Variants in BICC1 observed in about 807,000 individuals in gnomAD.
The protein encoded by BICC1 is BicC family RNA binding protein 1.
In BICC1, 43 loss-of-function variants were observed where a neutral mutation model predicts 111.0. That is an observed-to-expected ratio of 0.39 (90% CI 0.30 to 0.50). BICC1 has a LOEUF of 0.50. Among genes scored for constraint, BICC1 ranks in the 20% least tolerant of loss-of-function variants. The pLI is 0.88. For synonymous variants in BICC1, 467 were observed against 434.4 expected (o/e 1.07, Z -0.93); for missense variants, 1,091 against 1,203.2 (o/e 0.91, Z 1.38).
At chr10:58,715,964 G>C in intron 3 of BICC1, 1 of 1,381,608 alleles carries the variant, frequency 7.2e-7, no homozygotes, top group Non-Finnish European at 1.0e-6. Flanking sequence ...AAGAAGAACC[G>C]TTCACATAAA....
At chr10:58,788,320 T>A (rs760188085) in intron 5 of BICC1, 50 bp from the exon 6 acceptor site, 1 of 1,349,198 alleles carries the variant, frequency 7.4e-7, no homozygotes, top group Non-Finnish European at 1.1e-6. Flanking sequence ...GGAAAAGAGA[T>A]GTGAGTTTGA....
intron 3 of BICC1, among the ~76,000 whole-genome samples, chr10:58,732,266 G>T (rs1331432893): frequency 6.8e-6 from 1 of 146,882 alleles, no homozygotes; most frequent in Non-Finnish European, 1.5e-5. Flanking sequence ...GGGATGGGGA[G>T]AGAGAGAGAG....
At chr10:58,824,939 A>G (rs1844353646) in intron 20 of BICC1, among the ~76,000 whole-genome samples, 1 of 152,180 alleles carries the variant, frequency 6.6e-6, no homozygotes, top group Non-Finnish European at 1.5e-5. Flanking sequence ...TCATAAAACA[A>G]CGTAATCTGT....
chr10:58,533,041 C>T (rs1842722348), intron 1 of BICC1, among the ~76,000 whole-genome samples: 2 of 151,692 alleles, frequency 1.3e-5, no homozygotes, highest in Non-Finnish European at 2.9e-5. Context: ...AAGAAAATAA[C>T]ATCTGCCTCC....
At chr10:58,733,681 A>G (rs963294733) in intron 3 of BICC1, among the ~76,000 whole-genome samples, 2 of 152,184 alleles carry the variant, frequency 1.3e-5, no homozygotes, top group Admixed American at 1.3e-4. Flanking sequence ...GGCTTCTGAG[A>G]TTCCTCTAAA....
At chr10:58,577,349 G>A (rs1844142988) in intron 1 of BICC1, among the ~76,000 whole-genome samples, 1 of 152,170 alleles carries the variant, frequency 6.6e-6, no homozygotes, top group Non-Finnish European at 1.5e-5. Flanking sequence ...TGATGCCAAA[G>A]CCTCTTGCTT....
intron 1 of BICC1, among the ~76,000 whole-genome samples, chr10:58,560,740 G>A (rs1198512045): frequency 6.6e-6 from 1 of 151,676 alleles, no homozygotes; most frequent in African/African-American, 2.4e-5. Flanking sequence ...ATAGATTTTG[G>A]TATGTTGTGT....
chr10:58,666,649 T>A (rs1162611069), intron 2 of BICC1, among the ~76,000 whole-genome samples: 1 of 152,144 alleles, frequency 6.6e-6, no homozygotes, highest in Non-Finnish European at 1.5e-5. Flanking sequence ...ATTTATTAGC[T>A]GTATGCTCTT....
At chr10:58,793,928 T>G (rs1843262944) in intron 9 of BICC1, among the ~76,000 whole-genome samples, 3 of 152,142 alleles carry the variant, frequency 2.0e-5, no homozygotes, top group African/African-American at 7.2e-5. Context: ...TAAGGGAAAC[T>G]CAACTTGTAT....
intron 2 of BICC1, among the ~76,000 whole-genome samples, chr10:58,645,627 A>G (rs1482351121): frequency 6.6e-6 from 1 of 151,960 alleles, no homozygotes; most frequent in Non-Finnish European, 1.5e-5. Context: ...AGTGTAGTAA[A>G]CCCTATTACT....
At chr10:58,725,028 A>G (rs1841059113) in intron 3 of BICC1, among the ~76,000 whole-genome samples, 2 of 152,126 alleles carry the variant, frequency 1.3e-5, no homozygotes, top group Non-Finnish European at 2.9e-5. Context: ...CCCCATTTGC[A>G]GCAGGAATCT....
rs577684945 is a variant in BICC1, at chr10:58,544,874, G to A, written c.190+31541G>A. Among the ~76,000 whole-genome samples, 5 of 152,112 alleles carry A rather than the reference G, an allele frequency of 3.3e-5. No individual in the cohort carries two copies. In the East Asian group the frequency reaches 7.7e-4, roughly 24 times the overall value. ...CAAGTTAAAGCAAGATCATTAGGTT[G>A]GGTTCTAATCTAATATGACTGGTAT... On this transcript the variant is annotated intron_variant, in intron 1 of 20. Transcript: ENST00000373886.
chr10:58,776,624 A>G (rs919375527), intron 3 of BICC1, among the ~76,000 whole-genome samples: 1 of 152,038 alleles, frequency 6.6e-6, no homozygotes, highest in African/African-American at 2.4e-5. Context: ...GGATCCTCGC[A>G]TTATTGTTTT....
chr10:58,672,541 A>C (rs573560518), intron 2 of BICC1, among the ~76,000 whole-genome samples: 1 of 152,288 alleles, frequency 6.6e-6, no homozygotes, highest in East Asian at 1.9e-4. Context: ...TCTGTATGTC[A>C]GATGATATCA....
chr10:58,587,707 G>A (rs183998768), intron 1 of BICC1, among the ~76,000 whole-genome samples: 301 of 152,228 alleles, frequency 2.0e-3, no homozygotes, highest in African/African-American at 6.9e-3. Flanking sequence ...CAAAGTTATG[G>A]CATATGGAAA....
intron 2 of BICC1, among the ~76,000 whole-genome samples, chr10:58,674,741 TCAG>T (rs1167415832): frequency 2.6e-5 from 4 of 152,094 alleles, no homozygotes; most frequent in African/African-American, 2.4e-5. Context: ...ATGTAGAAAT[TCAG>T]CAGCAGGAGA....
At chr10:58,820,345 A>G (rs771982120) in intron 19 of BICC1, 24 bp from the exon 20 acceptor site, 50 of 1,491,516 alleles carry the variant, frequency 3.4e-5, no homozygotes, top group Non-Finnish European at 4.5e-5. Flanking sequence ...TACATTGGTT[A>G]TAGATTGACC....
chr10:58,524,416 C>A (rs1277652069), intron 1 of BICC1, among the ~76,000 whole-genome samples: 1 of 152,046 alleles, frequency 6.6e-6, no homozygotes, highest in Non-Finnish European at 1.5e-5. Flanking sequence ...ACCATCTGAT[C>A]TTTGACAAAC....
intron 17 of BICC1, among the ~76,000 whole-genome samples, chr10:58,810,457 T>TC (rs1279148774): frequency 4.1e-5 from 6 of 147,982 alleles, no homozygotes; most frequent in Non-Finnish European, 1.5e-5. Flanking sequence ...GATATGATCT[T>TC]TTTTTTTTTC....
Sources: gnomAD v4.1 joint callset for allele counts (sites outside exome capture counted in the v4.1 genomes callset) on GRCh38, gnomAD v4.1.1 for gene constraint, MANE v1.5 for transcripts, NCBI Gene and HGNC (gene_info 2026-07-23, HGNC 2026-07-21) for gene names.